The following PIK3C2B variants were observed in gnomAD, a reference collection of about 807,000 sequenced individuals.
PIK3C2B encodes phosphatidylinositol-4-phosphate 3-kinase catalytic subunit type 2 beta, also known as phosphatidylinositol 4-phosphate 3-kinase C2 domain-containing subunit beta.
In PIK3C2B, 83 loss-of-function variants were observed where a neutral mutation model predicts 184.3. That is an observed-to-expected ratio of 0.45 (90% CI 0.38 to 0.54). PIK3C2B has a LOEUF of 0.54. Ranked by LOEUF, PIK3C2B falls within the 20% of genes least tolerant of loss-of-function variation. The pLI is 0.00. For missense variants in PIK3C2B, 1,736 were observed against 2,113.5 expected, an observed-to-expected ratio of 0.82 and a Z score of 3.50; for synonymous variants, 779 against 837.6, an observed-to-expected ratio of 0.93 and a Z score of 1.21.
At chr1:204,463,438 A>T (rs1655492730) in intron 5 of PIK3C2B, among the ~76,000 whole-genome samples, 2 of 152,180 alleles carry the variant, frequency 1.3e-5, no homozygotes, top group African/African-American at 4.8e-5. Context: ...GGTCCACATC[A>T]GACTTTCCAG....
intron 12 of PIK3C2B, among the ~76,000 whole-genome samples, chr1:204,451,978 G>A (rs143401697): frequency 4.6e-5 from 7 of 152,284 alleles, no homozygotes; most frequent in Admixed American, 2.6e-4. Flanking sequence ...ACTACAGTAG[G>A]AAGGAGAGAA....
rs778050971 is a variant in PIK3C2B at position 204,469,437 on chromosome 1, G to A, written c.366C>T (p.Ser122=). The change falls in exon 2 of 33, where the codon TCC becomes TCT. Residue 122 remains serine, a synonymous_variant. Coordinates refer to ENST00000684373, the MANE Select transcript of PIK3C2B (RefSeq NM_001377334.1). ...QPGSDPWPKG[S]LSGDYLYIFD... ...AAATGTAGAGATAGTCTCCAGACAGGGAGCCTTTGGGCCAGGGATCTGAGC... is the reference window on the plus strand; with the variant it reads ...AAATGTAGAGATAGTCTCCAGACAGAGAGCCTTTGGGCCAGGGATCTGAGC... 11 of 1,571,008 alleles carry A rather than the reference G, an allele frequency of 7.0e-6. No homozygotes were observed. The highest frequency in any genetic ancestry group is 9.5e-6 in the Non-Finnish European group (11 of 1,163,328).
chr1:204,458,411 A>G (rs1181570939), intron 8 of PIK3C2B, among the ~76,000 whole-genome samples: 1 of 151,944 alleles, frequency 6.6e-6, no homozygotes, highest in Non-Finnish European at 1.5e-5. Flanking sequence ...TTAATTTATT[A>G]CCATCCTGTT....
intron 27 of PIK3C2B, 133 bp downstream of exon 27, chr1:204,432,067 C>T (rs1313457049): frequency 3.6e-6 from 3 of 835,094 alleles, no homozygotes; most frequent in Admixed American, 2.0e-5. Flanking sequence ...GGGAAGTGGT[C>T]CAGGACTGCT....
At chr1:204,451,460 A>T (rs1654352204) in intron 12 of PIK3C2B, among the ~76,000 whole-genome samples, 1 of 152,126 alleles carries the variant, frequency 6.6e-6, no homozygotes, top group Non-Finnish European at 1.5e-5. Context: ...GGTCAGGATA[A>T]CCATTATGTT....
At chr1:204,452,393 T>TTAGGAGGTTC (rs1203902974) in intron 12 of PIK3C2B, among the ~76,000 whole-genome samples, 5 of 128,176 alleles carry the variant, frequency 3.9e-5, no homozygotes, top group African/African-American at 1.4e-4. Flanking sequence ...TTCTCCCACC[T>TTAGGAGGTTC]CAGCCTCCTA....
Position 204,469,055 on chromosome 1 carries a change from G to C in PIK3C2B, c.748C>G (p.Arg250Gly), listed in dbSNP as rs149061377. 1 of 1,614,028 alleles carries C rather than the reference G, an allele frequency of 6.2e-7. No individual in the cohort carries two copies. Among genetic ancestry groups the C allele is most frequent in the African/African-American group, 1.3e-5 (1 of 74,896 alleles). The stretch of plus-strand genomic sequence containing the variant: ...TCCTTCCAGCCCCTGGTGGCATCCC[G>C]CAACATCTCCGCATCATAGGTCGAT... ...LKSTYDAEML[R>G]DATRGWKEGR... Residue 250 changes from arginine (R) to glycine (G), a missense_variant, in exon 2 of 33, where the codon CGG becomes GGG. Physicochemically the swap from Arg to Gly is moderately radical, Grantham distance 125. Coordinates refer to ENST00000684373, the MANE Select transcript of PIK3C2B (RefSeq NM_001377334.1).
Position 204,459,946 on chromosome 1 carries a change from G to C in PIK3C2B, c.1503-5C>G. ...AACAGAAGACTCAGGGCCTGCCTGGGAGTTGGGGGCAGGGAAAAACCACAG... is the reference window on the plus strand; with the variant it reads ...AACAGAAGACTCAGGGCCTGCCTGGCAGTTGGGGGCAGGGAAAAACCACAG... On this transcript the variant is annotated splice_polypyrimidine_tract_variant and splice_region_variant and intron_variant, in intron 7 of 32. Coordinates refer to ENST00000684373, the MANE Select transcript of PIK3C2B (RefSeq NM_001377334.1). 2 of 1,613,640 alleles carry C rather than the reference G, an allele frequency of 1.2e-6. No individual in the cohort carries two copies. The highest frequency in any genetic ancestry group is 4.5e-5 in the East Asian group (2 of 44,868).
intron 1 of PIK3C2B, among the ~76,000 whole-genome samples, chr1:204,489,386 G>A (rs147177091): frequency 6.6e-6 from 1 of 151,778 alleles, no homozygotes; most frequent in African/African-American, 2.4e-5. Context: ...TGCCCAGGCT[G>A]GTCTCAAACT....
intron 22 of PIK3C2B, 82 bp from the exon 23 acceptor site, chr1:204,439,153 G>A: frequency 7.1e-7 from 1 of 1,403,968 alleles, no homozygotes; most frequent in Non-Finnish European, 9.8e-7. Flanking sequence ...CTGTGCTCAT[G>A]CTTCCCTATA....
chr1:204,485,922 C>T (rs1657550947), intron 1 of PIK3C2B, among the ~76,000 whole-genome samples: 1 of 152,084 alleles, frequency 6.6e-6, no homozygotes, highest in African/African-American at 2.4e-5. Flanking sequence ...CCTGCACATC[C>T]CCCATGAATA....
chr1:204,453,001 G>A (rs75339812), intron 12 of PIK3C2B, among the ~76,000 whole-genome samples: 1,918 of 152,016 alleles, frequency 0.013, 51 homozygotes, highest in African/African-American at 0.045. Context: ...AAGTGTGAAG[G>A]GCATGAGAAA....
chr1:204,435,901 A>G (rs987449555), intron 23 of PIK3C2B: 1 of 152,218 alleles, frequency 6.6e-6, no homozygotes, highest in Non-Finnish European at 1.5e-5. Flanking sequence ...TAAATGAATA[A>G]AAGCACTTAA....
Position 204,447,532 on chromosome 1 carries a change from G to T in PIK3C2B, c.2393C>A (p.Pro798His). 1.2e-6 allele frequency: 2 copies of T among 1,610,672 alleles called. No homozygotes were observed. Among genetic ancestry groups the T allele is most frequent in the Non-Finnish European group, 1.7e-6 (2 of 1,177,414 alleles). ...ATAGCGGGGGCTGAACTTGTCTCCA[G>T]GGGGGCTGGTGAACTTGATGTCAAA... ...SAFDIKFTSP[P>H]GDKFSPRYEF... The change falls in exon 15 of 33, where the codon CCT (proline) becomes CAT (histidine). Residue 798 changes from proline (P) to histidine (H), a missense_variant. Physicochemically the swap from Pro to His is moderately conservative, Grantham distance 77 (BLOSUM62 -2). Around this residue, in one of 8 missense-constraint regions of PIK3C2B, gnomAD observed 609 missense variants for 699.2 expected, o/e 0.87. Transcript: ENST00000684373. This position sits in a 1 kb window ranked among gnomAD's most constrained non-coding sequence, Gnocchi z 4.1.
At position 204,432,214 on chromosome 1, in the gene PIK3C2B, G is replaced by A. The variant is rs2103469902; in HGVS notation, c.4141C>T (p.Pro1381Ser). The part of the protein sequence containing the change: ...FLCRHEKIFH[P>S]NKGYIYVVKV... ...AAAACACTTACATAGCCTTTGTTGG[G>A]GTGGAAGATCTTCTCATGGCGGCAG... is the stretch of plus-strand genomic sequence containing the variant. Residue 1381 changes from proline (P) to serine (S), a missense_variant, in exon 27 of 33, where the codon CCC becomes TCC. Around this residue, in one of 8 missense-constraint regions of PIK3C2B, gnomAD observed 200 missense variants for 199.1 expected, o/e 1.00. Transcript: ENST00000684373. 6.2e-7 allele frequency: 1 copy of A among 1,613,776 alleles called. No individual in the cohort carries two copies. The highest frequency in any genetic ancestry group is 8.5e-7 in the Non-Finnish European group (1 of 1,179,826).
rs2999483 is a variant in PIK3C2B, at chr1:204,466,292, C to T, written c.934-973G>A. 2.6e-5 allele frequency among the ~76,000 whole-genome samples: 4 copies of T among 152,224 alleles called. No individual in the cohort carries two copies. The East Asian group carries it at 7.7e-4, about 29-fold the overall frequency. On this transcript the variant is annotated intron_variant, in intron 2 of 32. Coordinates refer to ENST00000684373, the MANE Select transcript of PIK3C2B (RefSeq NM_001377334.1). The stretch of plus-strand genomic sequence containing the variant: ...ATGTGGTTCCAACAGCTGTTTCTGG[C>T]GGGAGTCTAGCTCCGGCCTGTGCAC...
intron 1 of PIK3C2B, among the ~76,000 whole-genome samples, chr1:204,491,388 C>CAA (rs34371258): frequency 5.3e-4 from 68 of 127,220 alleles, no homozygotes; most frequent in Non-Finnish European, 8.4e-4. Flanking sequence ...GACTCTGTCT[C>CAA]AAAAAAAAAA....
chr1:204,440,391 TC>T, intron 21 of PIK3C2B, 70 bp from the exon 22 acceptor site: 1 of 1,488,242 alleles, frequency 6.7e-7, no homozygotes, highest in African/African-American at 1.4e-5. Flanking sequence ...TCCCAAGTGC[TC>T]AACCTTGGCC....
At chr1:204,482,469 A>C (rs1657245891) in intron 1 of PIK3C2B, among the ~76,000 whole-genome samples, 1 of 152,090 alleles carries the variant, frequency 6.6e-6, no homozygotes, top group Non-Finnish European at 1.5e-5. Flanking sequence ...CAAAGGAGAA[A>C]CCCTACTCAG....
Sources: gnomAD v4.1 joint callset for allele counts (sites outside exome capture counted in the v4.1 genomes callset) on GRCh38, gnomAD v4.1.1 for gene constraint, gnomAD v4.1.1 regional missense constraint, Gnocchi (gnomAD v3.1) non-coding constraint, MANE v1.5 for transcripts, NCBI Gene and HGNC (gene_info 2026-07-23, HGNC 2026-07-21) for gene names.